Variants in GPSM2 observed in about 807,000 individuals in gnomAD.
The protein encoded by GPSM2 is G protein-signaling modulator 2.
Under a neutral mutation model 78.4 loss-of-function variants are expected in GPSM2, and 58 were observed. The observed-to-expected ratio is 0.74, with a 90% CI of 0.60 to 0.92. GPSM2 has a LOEUF of 0.92. Ranked by LOEUF, GPSM2 falls within the 40% of genes least tolerant of loss-of-function variation. The pLI is 0.00. For missense variants in GPSM2, 700 were observed against 815.5 expected (o/e 0.86, Z 1.73); for synonymous variants, 224 against 280.2 (o/e 0.80, Z 2.00).
At chr1:108,902,982 A>G (rs1375721901) in intron 8 of GPSM2, 144 bp from the exon 9 acceptor site, 1 of 641,098 alleles carries the variant, frequency 1.6e-6, no homozygotes, top group African/African-American at 1.8e-5. Context: ...TATGTCTATA[A>G]TATCATGATA....
chr1:108,924,389 C>T (rs1650972912), intron 14 of GPSM2, 175 bp downstream of exon 14: 3 of 676,524 alleles, frequency 4.4e-6, no homozygotes, highest in Admixed American at 2.2e-5. Flanking sequence ...TTCTAGGCAT[C>T]GAGGACACAC....
chr1:108,879,276 T>C (rs906129546), intron 1 of GPSM2, among the ~76,000 whole-genome samples: 6 of 152,238 alleles, frequency 3.9e-5, no homozygotes, highest in Admixed American at 2.6e-4. Flanking sequence ...TAGGATTCTT[T>C]GGCCTCGTCA....
chr1:108,883,672 T>G (rs1194568160), intron 1 of GPSM2, among the ~76,000 whole-genome samples: 1 of 152,214 alleles, frequency 6.6e-6, no homozygotes, highest in Non-Finnish European at 1.5e-5. Context: ...TTATGTCTGA[T>G]ATGCTGTAGC....
intron 10 of GPSM2, among the ~76,000 whole-genome samples, chr1:108,913,259 C>T (rs772567420): frequency 2.0e-5 from 3 of 152,128 alleles, no homozygotes; most frequent in East Asian, 1.9e-4. Context: ...CACTGAGAGA[C>T]GTTTCCAAGA....
In GPSM2 at chr1:108,929,794, C is replaced by T. The variant is rs189033496; in HGVS notation, c.1909C>T (p.Arg637Trp). The change falls in exon 15 of 15, where the codon CGG becomes TGG. Residue 637 changes from arginine to tryptophan, a missense_variant. Arg to Trp is a moderately radical substitution (Grantham distance 101, BLOSUM62 -3). Transcript: ENST00000264126. Reference sequence around the variant, plus strand: ...TGAAGACTTTTTCAGCCTTATTTTACGGTCCCAGGGAAAGAGAATGGATGA... The same window carrying T: ...TGAAGACTTTTTCAGCCTTATTTTATGGTCCCAGGGAAAGAGAATGGATGA... ...PDEDFFSLIL[R>W]SQGKRMDEQR... is the part of the protein sequence containing the mutation. 6.6e-5 allele frequency: 106 copies of T among 1,613,796 alleles called. No individual in the cohort carries two copies. In the East Asian group the frequency reaches 2.0e-3, roughly 30 times the overall value.
chr1:108,892,820 A>AT (rs765709327), intron 2 of GPSM2, among the ~76,000 whole-genome samples: 3 of 152,186 alleles, frequency 2.0e-5, no homozygotes, highest in African/African-American at 4.8e-5. Flanking sequence ...GGTGTTAGAG[A>AT]TTTTTGCCAG....
intron 11 of GPSM2, 131 bp from the exon 12 acceptor site, chr1:108,918,482 A>G (rs1650447905): frequency 1.5e-6 from 1 of 676,876 alleles, no homozygotes; most frequent in Non-Finnish European, 2.6e-6. Context: ...ATTTTTAAAG[A>G]GATCTAAAAT....
rs143227030 is a variant in GPSM2, at chr1:108,921,173, A to T, written c.1441-1244A>T. On this transcript the variant is annotated intron_variant, in intron 12 of 14. Transcript: ENST00000264126. Reference sequence around the variant, plus strand: ...TTCCAAAAATATCTGCTACCCCAGCACATTGGGAGGCCAAAGCAGACAGGT... The same window carrying T: ...TTCCAAAAATATCTGCTACCCCAGCTCATTGGGAGGCCAAAGCAGACAGGT... Among the ~76,000 whole-genome samples, 7 of 152,310 alleles carry T rather than the reference A, an allele frequency of 4.6e-5. No homozygotes were observed. In the East Asian group the frequency reaches 1.2e-3, roughly 25 times the overall value.
intron 14 of GPSM2, among the ~76,000 whole-genome samples, chr1:108,926,121 C>T (rs1651101040): frequency 1.3e-5 from 2 of 152,024 alleles, no homozygotes; most frequent in African/African-American, 4.8e-5. Flanking sequence ...GAAACTGAAA[C>T]TAGGGGGAAA....
chr1:108,884,738 T>C (rs1325366214), intron 1 of GPSM2, among the ~76,000 whole-genome samples: 1 of 152,222 alleles, frequency 6.6e-6, no homozygotes, highest in Admixed American at 6.5e-5. Context: ...CTTTTTACCA[T>C]ATACATATTT....
chr1:108,914,550 A>G (rs1414691708), intron 11 of GPSM2, 142 bp downstream of exon 11: 2 of 656,572 alleles, frequency 3.0e-6, no homozygotes, highest in Non-Finnish European at 5.4e-6. Context: ...AAAGTCAGAA[A>G]AAGTATAGTG....
intron 10 of GPSM2, among the ~76,000 whole-genome samples, chr1:108,911,187 T>C (rs922094519): frequency 1.3e-5 from 2 of 152,158 alleles, no homozygotes; most frequent in Non-Finnish European, 2.9e-5. Context: ...TCAGTATAGC[T>C]ATGTTAATAG....
chr1:108,923,587 A>T (rs1289880662), intron 13 of GPSM2, among the ~76,000 whole-genome samples: 5 of 152,234 alleles, frequency 3.3e-5, no homozygotes, highest in African/African-American at 1.2e-4. Context: ...AGCAGCACTT[A>T]ACTGTTAGTT....
chr1:108,895,191 A>G (rs1013126749), intron 2 of GPSM2, among the ~76,000 whole-genome samples: 6 of 152,194 alleles, frequency 3.9e-5, no homozygotes, highest in Non-Finnish European at 7.3e-5. Context: ...AGTTTTAGAA[A>G]GTGCTCCAGG....
chr1:108,926,546 T>C (rs1651129888), intron 14 of GPSM2: 1 of 152,196 alleles, frequency 6.6e-6, no homozygotes, highest in Non-Finnish European at 1.5e-5. Flanking sequence ...TTTTACACCA[T>C]GACCAAGTGG....
rs1650946132 is a variant in GPSM2 at position 108,924,097 on chromosome 1, C to G, written c.1698C>G (p.Phe566Leu). 7 of 1,613,410 alleles carry G rather than the reference C, an allele frequency of 4.3e-6. No individual in the cohort carries two copies. The highest frequency in any genetic ancestry group is 5.1e-6 in the Non-Finnish European group (6 of 1,179,368). ...GTCTGGATGACCAGAGGGCTAGTTT[C>G]AGTAATTTGCCAGGGCTTCGTCTAA... ...SRRLDDQRAS[F>L]SNLPGLRLTQ... is the part of the protein sequence containing the mutation. The change falls in exon 14 of 15, where the codon TTC becomes TTG. Residue 566 changes from phenylalanine (F) to leucine (L), a missense_variant. By Grantham distance (22) the Phe-to-Leu change is conservative. Coordinates refer to ENST00000264126, the MANE Select transcript of GPSM2 (RefSeq NM_013296.5).
chr1:108,896,686 A>C (rs536644556), intron 2 of GPSM2, among the ~76,000 whole-genome samples, 178 bp from the exon 3 acceptor site: 1 of 152,202 alleles, frequency 6.6e-6, no homozygotes, highest in Admixed American at 6.5e-5. Context: ...CGAATAGGCA[A>C]ATTACCTCTT....
chr1:108,918,987 T>C (rs1650488643), intron 12 of GPSM2, among the ~76,000 whole-genome samples, 198 bp downstream of exon 12: 1 of 152,120 alleles, frequency 6.6e-6, no homozygotes, highest in Non-Finnish European at 1.5e-5. Flanking sequence ...TGCTTCCTTG[T>C]ATTGGACAGT....
chr1:108,920,303 T>A (rs1650603650), intron 12 of GPSM2, among the ~76,000 whole-genome samples: 1 of 152,002 alleles, frequency 6.6e-6, no homozygotes, highest in African/African-American at 2.4e-5. Context: ...ACCCCGTATC[T>A]ACTAAAAATA....
Sources: allele counts gnomAD v4.1 joint callset (sites outside exome capture counted in the v4.1 genomes callset), GRCh38; gene constraint gnomAD v4.1.1; transcripts MANE v1.5; gene names NCBI Gene and HGNC (gene_info 2026-07-23, HGNC 2026-07-21).